The following ADGRL2 variants were observed in gnomAD, a reference collection of about 807,000 sequenced individuals.
ADGRL2 encodes calcium-independent alpha-latrotoxin receptor 2.
A neutral mutation model predicts 157.4 loss-of-function variants in ADGRL2; 44 were observed. That is an observed-to-expected ratio of 0.28 (90% CI 0.22 to 0.36). The LOEUF (loss-of-function observed/expected upper bound fraction) is 0.36, where lower values mean the gene tolerates loss of function less well. Among genes scored for constraint, ADGRL2 ranks in the 10% least tolerant of loss-of-function variants. The pLI, the probability that ADGRL2 is intolerant of heterozygous loss-of-function variation, is 1.00. For missense variants in ADGRL2, 1,510 were observed against 1,768.9 expected (o/e 0.85, Z 2.63); for synonymous variants, 585 against 624.7 (o/e 0.94, Z 0.95).
intron 2 of ADGRL2, among the ~76,000 whole-genome samples, chr1:81,549,159 A>G (rs565911624): frequency 8.5e-5 from 13 of 152,336 alleles, no homozygotes; most frequent in African/African-American, 3.1e-4. Flanking sequence ...AGTATTACCA[A>G]GCAGATCCTT....
intron 2 of ADGRL2, among the ~76,000 whole-genome samples, chr1:81,769,290 C>T (rs1300289802): frequency 1.3e-5 from 2 of 152,002 alleles, no homozygotes; most frequent in African/African-American, 2.4e-5. Context: ...CCTGCATTTC[C>T]CACTCAAGAA....
chr1:81,876,097 T>C (rs549865662), intron 2 of ADGRL2, among the ~76,000 whole-genome samples: 1 of 152,262 alleles, frequency 6.6e-6, no homozygotes, highest in South Asian at 2.1e-4. Context: ...GTTACCATAT[T>C]TGAGCTAATT....
rs72717712 is a variant in ADGRL2, at chr1:81,784,870, T to G, written c.-101+23018T>G. Among the ~76,000 whole-genome samples, 658 of 151,920 alleles carry G rather than the reference T, an allele frequency of 4.3e-3. 2 individuals carry two copies. The highest frequency in any genetic ancestry group is 4.5e-3 in the Non-Finnish European group (309 of 67,938). On this transcript the variant is annotated intron_variant, in intron 2 of 20. Coordinates refer to the ADGRL2 transcript ENST00000359929. ...TTTTTTGGTATGGACACAGATTAAG[T>G]TAATTGGTGTTAATTATCCAATTTT...
chr1:81,753,579 A>G (rs17107101), intron 1 of ADGRL2, among the ~76,000 whole-genome samples: 19,765 of 152,198 alleles, frequency 0.13, 1,536 homozygotes, highest in African/African-American at 0.21. Flanking sequence ...CCAAAAGTAT[A>G]CTGATATGTT....
chr1:81,893,722 G>A (rs1249986374), intron 2 of ADGRL2, among the ~76,000 whole-genome samples: 2 of 152,074 alleles, frequency 1.3e-5, no homozygotes, highest in Non-Finnish European at 2.9e-5. Flanking sequence ...TACAAGAAAG[G>A]ATATAATTTT....
intron 3 of ADGRL2, among the ~76,000 whole-genome samples, chr1:81,657,009 C>CAA (rs11383698): frequency 0.039 from 4,263 of 109,008 alleles, 161 homozygotes; most frequent in African/African-American, 0.1. Context: ...GACCCTGTCT[C>CAA]AAAAAAAAAA....
intron 1 of ADGRL2, among the ~76,000 whole-genome samples, chr1:81,331,376 T>A (rs1040842950): frequency 6.6e-6 from 1 of 152,138 alleles, no homozygotes; most frequent in Non-Finnish European, 1.5e-5. Context: ...TTTGGGGGTA[T>A]GTTACGTTTA....
chr1:81,540,927 A>C (rs1345717462), intron 2 of ADGRL2, among the ~76,000 whole-genome samples: 1 of 152,176 alleles, frequency 6.6e-6, no homozygotes, highest in Non-Finnish European at 1.5e-5. Context: ...AGAAAAAAAA[A>C]ATACCTGTAT....
At chr1:81,871,787 A>AT (rs1482505726) in intron 2 of ADGRL2, among the ~76,000 whole-genome samples, 1 of 151,548 alleles carries the variant, frequency 6.6e-6, no homozygotes, top group African/African-American at 2.4e-5. Flanking sequence ...GGGTTGTTTG[A>AT]TTTTTTCTTG....
chr1:81,344,689 AAGC>A (rs1662348452), intron 1 of ADGRL2, among the ~76,000 whole-genome samples: 1 of 151,500 alleles, frequency 6.6e-6, no homozygotes, highest in African/African-American at 2.4e-5. Context: ...AAAAAAAAAA[AAGC>A]AGATTATATT....
chr1:81,552,624 AC>A (rs1359182158), intron 2 of ADGRL2, among the ~76,000 whole-genome samples: 1,822 of 137,968 alleles, frequency 0.013, 39 homozygotes, highest in African/African-American at 0.044. Flanking sequence ...AAAAAAAAAA[AC>A]AGAAAAGAAA....
intron 1 of ADGRL2, among the ~76,000 whole-genome samples, chr1:81,367,002 A>G (rs1041509629): frequency 6.6e-6 from 1 of 152,130 alleles, no homozygotes; most frequent in Non-Finnish European, 1.5e-5. Context: ...GAATTCTAGT[A>G]CCATTAACTT....
intron 2 of ADGRL2, among the ~76,000 whole-genome samples, chr1:81,529,895 T>C (rs536823425): frequency 6.6e-6 from 1 of 152,328 alleles, no homozygotes; most frequent in East Asian, 1.9e-4. Context: ...TAAATGACAC[T>C]AAATATTATT....
chr1:81,867,974 A>T (rs2093590519), intron 2 of ADGRL2, among the ~76,000 whole-genome samples: 1 of 152,066 alleles, frequency 6.6e-6, no homozygotes, highest in South Asian at 2.1e-4. Context: ...CCAGATAAAT[A>T]TGTAGGCCAA....
intron 1 of ADGRL2, among the ~76,000 whole-genome samples, chr1:81,394,690 A>G (rs1178934150): frequency 3.3e-5 from 5 of 152,000 alleles, no homozygotes; most frequent in African/African-American, 1.2e-4. Flanking sequence ...CAGGTAACTC[A>G]CCAATATACT....
At chr1:81,727,240 A>G (rs1292570635) in intron 1 of ADGRL2, among the ~76,000 whole-genome samples, 2 of 152,180 alleles carry the variant, frequency 1.3e-5, no homozygotes, top group Non-Finnish European at 2.9e-5. Context: ...AAATAGACCA[A>G]ATTAATACTG....
At chr1:81,340,326 C>A (rs114683647) in intron 1 of ADGRL2, among the ~76,000 whole-genome samples, 2 of 152,130 alleles carry the variant, frequency 1.3e-5, no homozygotes, top group Non-Finnish European at 2.9e-5. Flanking sequence ...ACACATTTAA[C>A]CTTATCACTA....
chr1:81,926,458 C>T (rs1285736198), intron 3 of ADGRL2, among the ~76,000 whole-genome samples: 3 of 152,082 alleles, frequency 2.0e-5, no homozygotes, highest in African/African-American at 7.2e-5. Flanking sequence ...TAACAAGTTT[C>T]TTGCTAATTT....
chr1:81,400,723 G>C (rs1157385891), intron 1 of ADGRL2, among the ~76,000 whole-genome samples: 1 of 152,148 alleles, frequency 6.6e-6, no homozygotes, highest in Non-Finnish European at 1.5e-5. Flanking sequence ...GGACACAGCT[G>C]TCTTTTGGGC....
Sources: gnomAD v4.1 joint callset for allele counts (sites outside exome capture counted in the v4.1 genomes callset) on GRCh38, gnomAD v4.1.1 for gene constraint, MANE v1.5 for transcripts, NCBI Gene and HGNC (gene_info 2026-07-23, HGNC 2026-07-21) for gene names.